SEZ6: variants seen among roughly 807,000 people sequenced by gnomAD.
SEZ6 encodes the protein seizure related 6 homolog.
SEZ6 carries 53 observed loss-of-function variants against 101.0 expected under a neutral mutation model. The ratio of observed to expected loss-of-function variants is 0.52; its 90% confidence interval spans 0.42 to 0.66. The LOEUF (loss-of-function observed/expected upper bound fraction) is 0.66, where lower values mean the gene tolerates loss of function less well. Among genes scored for constraint, SEZ6 ranks in the 30% least tolerant of loss-of-function variants. SEZ6 has a pLI of 0.00. For synonymous variants in SEZ6, 488 were observed against 512.2 expected (o/e 0.95, Z 0.64); for missense variants, 1,102 against 1,289.4 (o/e 0.85, Z 2.23).
In SEZ6 at chr17:28,981,675, C is replaced by T; in HGVS notation, c.420G>A (p.Trp140Ter). Reference protein sequence around the residue: ...PTQPQSKEGPWSPESESPMLR... With the variant: ...PTQPQSKEGP ...GCATAGGGGACTCTGACTCCGGACTCCAGGGTCCCTCCTTGGACTGGGGCT... is the reference window on the plus strand; with the variant it reads ...GCATAGGGGACTCTGACTCCGGACTTCAGGGTCCCTCCTTGGACTGGGGCT... The change falls in exon 2 of 17, where the codon TGG (tryptophan) becomes TGA (stop). Residue 140 changes from tryptophan to a stop codon, truncating the protein, a stop_gained. Coordinates refer to ENST00000317338, the MANE Select transcript of SEZ6 (RefSeq NM_178860.5). LOFTEE classifies it high-confidence loss of function. 1.3e-6 allele frequency: 2 copies of T among 1,577,202 alleles called. No individual in the cohort carries two copies. The highest frequency in any genetic ancestry group is 1.7e-6 in the Non-Finnish European group (2 of 1,157,436).
rs566657585 is a variant in SEZ6, at chr17:28,963,831, C to G, written c.1240+131G>C. On this transcript the variant is annotated intron_variant, in intron 5 of 16. Coordinates refer to ENST00000317338, the MANE Select transcript of SEZ6 (RefSeq NM_178860.5). Reference sequence around the variant, plus strand: ...ATAAGTGCAGGTTGGATGAATGCCACTGAGGTGCATGGCCATTTTCTGGCT... The same window carrying G: ...ATAAGTGCAGGTTGGATGAATGCCAGTGAGGTGCATGGCCATTTTCTGGCT... 5 of 1,058,930 alleles carry G rather than the reference C, an allele frequency of 4.7e-6. No individual in the cohort carries two copies. In the African/African-American group the frequency reaches 4.7e-5, roughly 10 times the overall value. The allele number at this position is 1,058,930 out of a possible 1,614,324, so 65.6% of individuals were successfully genotyped here.
intron 1 of SEZ6, among the ~76,000 whole-genome samples, chr17:29,000,332 G>A (rs966594416): frequency 1.3e-5 from 2 of 152,216 alleles, no homozygotes; most frequent in South Asian, 2.1e-4. Flanking sequence ...CAGCCTCAGG[G>A]TAAGTGACTT....
intron 1 of SEZ6, among the ~76,000 whole-genome samples, chr17:29,003,368 G>T (rs1207075352): frequency 1.3e-5 from 2 of 152,218 alleles, no homozygotes; most frequent in Non-Finnish European, 2.9e-5. Context: ...GAGCCTGTGA[G>T]CTTGGGCCAA....
intron 1 of SEZ6, among the ~76,000 whole-genome samples, chr17:28,991,084 T>G (rs961988898): frequency 5.9e-5 from 9 of 152,068 alleles, no homozygotes; most frequent in African/African-American, 2.2e-4. Flanking sequence ...TTTTGTATTT[T>G]AGTAGGGATG....
chr17:28,959,422 T>A lies in SEZ6; in HGVS notation c.1822A>T (p.Asn608Tyr). The change falls in exon 9 of 17, where the codon AAC (asparagine) becomes TAC (tyrosine). Residue 608 changes from asparagine to tyrosine, a missense_variant. Asn to Tyr is a moderately radical substitution (Grantham distance 143, BLOSUM62 -2). Around this residue, in one of 3 missense-constraint regions of SEZ6, gnomAD observed 556 missense variants for 735.1 expected, o/e 0.76. Transcript: ENST00000317338. This position sits in a 1 kb window ranked among gnomAD's most constrained non-coding sequence, Gnocchi z 4.4. ...TDSAGVVLSP[N>Y]WPEPYGRGQD... is the part of the protein sequence containing the mutation. ...CCACGACCGTAGGGCTCTGGCCAGTTGGGAGAGAGTACCACGCCAGCCGAG... is the reference window on the plus strand; with the variant it reads ...CCACGACCGTAGGGCTCTGGCCAGTAGGGAGAGAGTACCACGCCAGCCGAG... 6.2e-7 allele frequency: 1 copy of A among 1,613,730 alleles called. No individual in the cohort carries two copies. The highest frequency in any genetic ancestry group is 8.5e-7 in the Non-Finnish European group (1 of 1,179,838).
chr17:28,985,639 CAG>C (rs1213752322), intron 1 of SEZ6, among the ~76,000 whole-genome samples: 1 of 152,208 alleles, frequency 6.6e-6, no homozygotes, highest in Non-Finnish European at 1.5e-5. Flanking sequence ...CAGCCCCTGT[CAG>C]GGGAACACTG....
intron 3 of SEZ6, among the ~76,000 whole-genome samples, chr17:28,978,780 G>T (rs1017590282): frequency 6.6e-6 from 1 of 152,162 alleles, no homozygotes. Flanking sequence ...TAGGGAGCAA[G>T]TGTGGGCGGG....
At chr17:28,985,194 A>G (rs1598203652) in intron 1 of SEZ6, among the ~76,000 whole-genome samples, 1 of 152,068 alleles carries the variant, frequency 6.6e-6, no homozygotes, top group Non-Finnish European at 1.5e-5. Flanking sequence ...AGCAGACAAC[A>G]CTCCAGCCAG....
intron 1 of SEZ6, among the ~76,000 whole-genome samples, chr17:28,992,554 G>A (rs1192027104): frequency 6.6e-6 from 1 of 152,202 alleles, no homozygotes; most frequent in Non-Finnish European, 1.5e-5. Context: ...CCCCCCAAAA[G>A]AAGGGATATA....
rs2041673513 is a variant in SEZ6 at position 29,005,364 on chromosome 17, C to T, written c.55+451G>A. Among the ~76,000 whole-genome samples the T allele has an allele frequency of 6.6e-6, 1 of 152,114 alleles. No homozygotes were observed. Among genetic ancestry groups the T allele is most frequent in the Non-Finnish European group, 1.5e-5 (1 of 68,014 alleles). ...GTAAGAACACTAGAGGCCCTGGAACCGGCGGCAAAGTCGAGCGAAGTTTGG... is the reference window on the plus strand; with the variant it reads ...GTAAGAACACTAGAGGCCCTGGAACTGGCGGCAAAGTCGAGCGAAGTTTGG... On this transcript the variant is annotated intron_variant, in intron 1 of 16. Coordinates refer to ENST00000317338, the MANE Select transcript of SEZ6 (RefSeq NM_178860.5). The surrounding 1 kb of genome is among the most constrained non-coding windows in gnomAD (Gnocchi z 4.8).
At chr17:28,967,292 TAGGGGC>T (rs2041085761) in intron 4 of SEZ6, among the ~76,000 whole-genome samples, 1 of 152,202 alleles carries the variant, frequency 6.6e-6, no homozygotes, top group Non-Finnish European at 1.5e-5. Context: ...GCAGGCAAGG[TAGGGGC>T]TATGAGCCCA....
intron 1 of SEZ6, among the ~76,000 whole-genome samples, chr17:28,987,194 G>A (rs1256477079): frequency 1.3e-5 from 2 of 152,238 alleles, no homozygotes; most frequent in African/African-American, 4.8e-5. Flanking sequence ...AAAAGTTAAT[G>A]AGTTTATTCT....
At chr17:28,976,055 A>G (rs144491154) in intron 3 of SEZ6, among the ~76,000 whole-genome samples, 28 of 152,332 alleles carry the variant, frequency 1.8e-4, no homozygotes, top group African/African-American at 6.5e-4. Context: ...CTCTCAAGAA[A>G]GAGCCTAGCC....
chr17:28,993,001 G>T (rs2041486956), intron 1 of SEZ6, among the ~76,000 whole-genome samples: 1 of 152,108 alleles, frequency 6.6e-6, no homozygotes, highest in Admixed American at 6.6e-5. Context: ...AGACTGGGCA[G>T]GTGGCACTGG....
rs571784871 is a variant in SEZ6, at chr17:28,987,092, C to T, written c.56-5053G>A. On this transcript the variant is annotated intron_variant, in intron 1 of 16. Coordinates refer to ENST00000317338, the MANE Select transcript of SEZ6 (RefSeq NM_178860.5). ...ACAAGGGGGAGCCTGAGGGACAGGG[C>T]GGGCAGGGGGCCCACTCCTCTGGGT... Among the ~76,000 whole-genome samples, 56 of 152,236 alleles carry T rather than the reference C, an allele frequency of 3.7e-4. No individual in the cohort carries two copies. The South Asian group carries it at 5.8e-3, about 16-fold the overall frequency.
rs1047363002 is a variant in SEZ6, at chr17:29,006,013, G to C, written c.-144C>G. On this transcript the variant is annotated 5_prime_UTR_variant, in exon 1 of 17. Transcript: ENST00000317338. The stretch of plus-strand genomic sequence containing the variant: ...CGTCACCGCCGCTGCCGCCGCCAGC[G>C]CCTGACAGAATCAGCACCACGGCCA... The C allele has an allele frequency of 9.5e-6, 6 of 634,082 alleles. No homozygotes were observed. In the South Asian group the frequency reaches 2.5e-4, roughly 27 times the overall value. 39.3% of individuals were successfully genotyped at this position (634,082 alleles called of 1,614,324 possible). A position where few individuals can be genotyped will look rare whatever the true frequency, so the allele number is the denominator to read the frequency against.
intron 1 of SEZ6, among the ~76,000 whole-genome samples, chr17:28,996,197 T>G (rs913021177): frequency 7.2e-5 from 11 of 151,880 alleles, no homozygotes; most frequent in African/African-American, 1.2e-4. Context: ...CAGCCTTATT[T>G]CCAAATGGCT....
At chr17:29,002,829 T>C (rs772621252) in intron 1 of SEZ6, among the ~76,000 whole-genome samples, 3 of 152,220 alleles carry the variant, frequency 2.0e-5, no homozygotes, top group Non-Finnish European at 4.4e-5. Flanking sequence ...TGTTAACCCT[T>C]GCAGCACTAG....
At chr17:28,993,088 T>C (rs35687820) in intron 1 of SEZ6, among the ~76,000 whole-genome samples, 50,148 of 151,808 alleles carry the variant, frequency 0.33, 8,568 homozygotes, top group South Asian at 0.4. Flanking sequence ...GACCCCAGCC[T>C]CTGGGGTAGG....
Sources: gnomAD v4.1 joint callset for allele counts (sites outside exome capture counted in the v4.1 genomes callset) on GRCh38, gnomAD v4.1.1 for gene constraint, gnomAD v4.1.1 regional missense constraint, Gnocchi (gnomAD v3.1) non-coding constraint, MANE v1.5 for transcripts, NCBI Gene and HGNC (gene_info 2026-07-23, HGNC 2026-07-21) for gene names.